NRG1: variants seen among roughly 807,000 people sequenced by gnomAD.
NRG1 encodes the protein pro-neuregulin-1, membrane-bound isoform.
Under a neutral mutation model 63.8 loss-of-function variants are expected in NRG1, and 18 were observed. That is an observed-to-expected ratio of 0.28 (90% confidence interval 0.19 to 0.42). The LOEUF (loss-of-function observed/expected upper bound fraction) is 0.42, where lower values mean the gene tolerates loss of function less well. Ranked by LOEUF, NRG1 falls within the 10% of genes least tolerant of loss-of-function variation. The probability of loss-of-function intolerance (pLI) is 1.00; values close to 1 mark genes in which losing one functional copy is unlikely to be tolerated. For missense variants in NRG1, 762 were observed against 814.7 expected, an observed-to-expected ratio of 0.94 and a Z score of 0.79; for synonymous variants, 302 against 301.3, an observed-to-expected ratio of 1.00 and a Z score of -0.02.
At chr8:32,217,006 A>G (rs1010936878) in intron 1 of NRG1, among the ~76,000 whole-genome samples, 7 of 151,980 alleles carry the variant, frequency 4.6e-5, no homozygotes, top group Non-Finnish European at 5.9e-5. Context: ...TGAGATCAGG[A>G]GTTCAAGACC....
chr8:32,023,194 C>A (rs1046367431), intron 1 of NRG1, among the ~76,000 whole-genome samples: 20 of 152,200 alleles, frequency 1.3e-4, no homozygotes, highest in African/African-American at 4.8e-4. Flanking sequence ...ATTTTACACA[C>A]ATTACCTTAC....
intron 1 of NRG1, among the ~76,000 whole-genome samples, chr8:32,568,468 T>C (rs1431474933): frequency 6.6e-6 from 1 of 152,192 alleles, no homozygotes; most frequent in Non-Finnish European, 1.5e-5. Context: ...ATGATAGAGA[T>C]ATGCTTTGGG....
chr8:31,984,976 C>A (rs2129631407), intron 1 of NRG1, among the ~76,000 whole-genome samples: 1 of 152,190 alleles, frequency 6.6e-6, no homozygotes, highest in South Asian at 2.1e-4. Flanking sequence ...TCTAAGACTG[C>A]ACATTCCTTG....
chr8:32,772,090 A>AT (rs1831865286), downstream of NRG1, among the ~76,000 whole-genome samples: 1 of 137,380 alleles, frequency 7.3e-6, no homozygotes, highest in African/African-American at 2.7e-5. Flanking sequence ...TATATATATA[A>AT]AATCCCACCA....
chr8:31,861,235 C>G (rs1314089757), intron 1 of NRG1, among the ~76,000 whole-genome samples: 2 of 152,072 alleles, frequency 1.3e-5, no homozygotes, highest in African/African-American at 4.8e-5. Context: ...CAGCCTGGTA[C>G]TTCAATACTG....
intron 1 of NRG1, among the ~76,000 whole-genome samples, chr8:31,655,653 T>C (rs1165359098): frequency 2.6e-5 from 4 of 152,170 alleles, no homozygotes; most frequent in African/African-American, 7.2e-5. Flanking sequence ...AGAGGAGTTA[T>C]ATGCTTGTCA....
chr8:32,303,425 A>C (rs766603546), intron 1 of NRG1, among the ~76,000 whole-genome samples: 1 of 152,180 alleles, frequency 6.6e-6, no homozygotes, highest in African/African-American at 2.4e-5. Flanking sequence ...GTGGAGCTAC[A>C]GAACATGCTT....
At chr8:32,191,474 ACT>A (rs1361705514) in intron 1 of NRG1, among the ~76,000 whole-genome samples, 2 of 151,186 alleles carry the variant, frequency 1.3e-5, no homozygotes, top group African/African-American at 4.9e-5. Flanking sequence ...ATGTAAATCG[ACT>A]CTTCCCTTCC....
chr8:32,102,288 C>T (rs1830676432), intron 1 of NRG1, among the ~76,000 whole-genome samples: 2 of 152,066 alleles, frequency 1.3e-5, no homozygotes, highest in African/African-American at 4.8e-5. Context: ...CAGGCGTGTG[C>T]CACCACATCT....
intron 1 of NRG1, 40 bp downstream of exon 1, chr8:32,548,866 C>A: frequency 6.6e-7 from 1 of 1,523,258 alleles, no homozygotes; most frequent in South Asian, 1.2e-5. Flanking sequence ...GATCCTCCTC[C>A]TGCTCCTCCT....
chr8:31,679,182 G>A (rs1402076835), intron 1 of NRG1, among the ~76,000 whole-genome samples: 1 of 151,716 alleles, frequency 6.6e-6, no homozygotes, highest in African/African-American at 2.4e-5. Flanking sequence ...CTTTTCACCT[G>A]TTGTCTTCTC....
chr8:32,009,900 C>T (rs1814461576), intron 1 of NRG1, among the ~76,000 whole-genome samples: 2 of 143,804 alleles, frequency 1.4e-5, no homozygotes, highest in Admixed American at 7.0e-5. Context: ...CTCCCATCCT[C>T]CTCTGCCTAC....
chr8:32,307,319 C>T (rs1366667485), intron 1 of NRG1, among the ~76,000 whole-genome samples: 2 of 152,122 alleles, frequency 1.3e-5, no homozygotes, highest in Non-Finnish European at 2.9e-5. Context: ...GGGTGGTTCT[C>T]CTGAAAATCT....
intron 1 of NRG1, among the ~76,000 whole-genome samples, chr8:31,996,256 T>C (rs2129633368): frequency 6.6e-6 from 1 of 152,090 alleles, no homozygotes; most frequent in African/African-American, 2.4e-5. Flanking sequence ...TCTATGTTCT[T>C]TATATTGGCA....
intron 1 of NRG1, among the ~76,000 whole-genome samples, chr8:32,176,429 T>C (rs905171604): frequency 7.9e-5 from 12 of 152,326 alleles, no homozygotes; most frequent in African/African-American, 2.9e-4. Flanking sequence ...AAGGACTTCA[T>C]GTCTAAAACA....
rs117718356 is a variant in NRG1, at chr8:31,724,472, G to A, written c.37+85041G>A. Among the ~76,000 whole-genome samples, 547 of 152,240 alleles carry A rather than the reference G, an allele frequency of 3.6e-3. 1 individual carries two copies. Among genetic ancestry groups the A allele is most frequent in the Non-Finnish European group, 6.5e-3 (445 of 68,006 alleles). ...TGTGTTTCTTCTTTGAGTGGCAAGT[G>A]TGTTAGTTAATATCATCAGGCAGAA... On this transcript the variant is annotated intron_variant, in intron 1 of 10. Transcript: ENST00000519301.
At chr8:32,327,778 A>C (rs16879128) in intron 1 of NRG1, among the ~76,000 whole-genome samples, 14,539 of 152,248 alleles carry the variant, frequency 0.095, 960 homozygotes, top group African/African-American at 0.18. Context: ...ATGGGGCAGG[A>C]AGCCTTATTA....
At chr8:32,042,385 C>T (rs1334917865) in intron 1 of NRG1, among the ~76,000 whole-genome samples, 1 of 151,748 alleles carries the variant, frequency 6.6e-6, no homozygotes, top group Non-Finnish European at 1.5e-5. Flanking sequence ...CTGAGGATGT[C>T]GAGGCTGCAG....
chr8:32,655,893 A>G (rs1226404072), intron 5 of NRG1, among the ~76,000 whole-genome samples: 2 of 152,178 alleles, frequency 1.3e-5, no homozygotes, highest in Admixed American at 1.3e-4. Flanking sequence ...CAATCTATAC[A>G]GTTTAGATGT....
Sources: gnomAD v4.1 joint callset for allele counts (sites outside exome capture counted in the v4.1 genomes callset) on GRCh38, gnomAD v4.1.1 for gene constraint, MANE v1.5 for transcripts, NCBI Gene and HGNC (gene_info 2026-07-23, HGNC 2026-07-21) for gene names.